Variants in NRIP3 observed in about 807,000 individuals in gnomAD.
NRIP3 encodes nuclear receptor-interacting protein 3.
Under a neutral mutation model 29.0 loss-of-function variants are expected in NRIP3, and 31 were observed. That is an observed-to-expected ratio of 1.07 (90% CI 0.80 to 1.44). The LOEUF (loss-of-function observed/expected upper bound fraction) is 1.44, where lower values mean the gene tolerates loss of function less well. NRIP3 is among the 40% of genes most tolerant of loss of function. NRIP3 has a pLI of 0.00. For missense variants in NRIP3, 314 were observed against 297.9 expected (o/e 1.05, Z -0.40); for synonymous variants, 131 against 118.3 (o/e 1.11, Z -0.70).
At chr11:8,985,894 C>T (rs1286487680) in intron 3 of NRIP3, 44 bp from the exon 4 acceptor site, 13 of 1,606,748 alleles carry the variant, frequency 8.1e-6, no homozygotes, top group African/African-American at 1.3e-5. Flanking sequence ...GACAGAGATT[C>T]CTGGTAGAAT....
At position 8,983,328 on chromosome 11, in the gene NRIP3, C is replaced by T. The variant is rs1854452243; in HGVS notation, c.*217G>A. ...AAAAAAGGTCTATAAGTTAAGTGAT[C>T]AAAGTAGTAAAAAACAATGGCCATA... On this transcript the variant is annotated 3_prime_UTR_variant, in exon 7 of 7. Transcript: ENST00000309166. 2 of 587,554 alleles carry T rather than the reference C, an allele frequency of 3.4e-6. No individual in the cohort carries two copies. Among genetic ancestry groups the T allele is most frequent in the Non-Finnish European group, 6.1e-6 (2 of 327,702 alleles). The allele number at this position is 587,554 out of a possible 1,614,324, so 36.4% of individuals were successfully genotyped here.
intron 1 of NRIP3, among the ~76,000 whole-genome samples, chr11:8,995,697 G>T (rs1049381383): frequency 6.6e-6 from 1 of 152,136 alleles, no homozygotes; most frequent in African/African-American, 2.4e-5. Flanking sequence ...TAAAACATAA[G>T]TCAGGTAATA....
Position 8,985,764 on chromosome 11 carries a change from T to A in NRIP3, c.509A>T (p.His170Leu), listed in dbSNP as rs769164483. Reference sequence around the variant, plus strand: ...GAGGGAGCCCAGTGTGATCACTAGGTGCTCAATCTGGCCCACTACTTTGAG... The same window carrying A: ...GAGGGAGCCCAGTGTGATCACTAGGAGCTCAATCTGGCCCACTACTTTGAG... ...RHLKVVGQIE[H>L]LVITLGSLRL... Residue 170 changes from histidine to leucine, a missense_variant, in exon 4 of 7, where the codon CAC becomes CTC. Transcript: ENST00000309166. 6 of 1,614,128 alleles carry A rather than the reference T, an allele frequency of 3.7e-6. No homozygotes were observed. Among genetic ancestry groups the A allele is most frequent in the Non-Finnish European group, 5.1e-6 (6 of 1,180,024 alleles).
At chr11:8,986,363 A>G (rs959934530) in intron 3 of NRIP3, among the ~76,000 whole-genome samples, 1 of 152,236 alleles carries the variant, frequency 6.6e-6, no homozygotes, top group Non-Finnish European at 1.5e-5. Flanking sequence ...ACTGATATTC[A>G]TATCAGCAAG....
chr11:9,001,118 T>A (rs1236765039), intron 1 of NRIP3, among the ~76,000 whole-genome samples: 1 of 152,116 alleles, frequency 6.6e-6, no homozygotes, highest in Non-Finnish European at 1.5e-5. Flanking sequence ...TGGTTTTAGT[T>A]CTTAATCTAA....
intron 1 of NRIP3, among the ~76,000 whole-genome samples, chr11:8,996,721 T>C (rs573205122): frequency 3.3e-5 from 5 of 152,368 alleles, no homozygotes; most frequent in Admixed American, 1.3e-4. Context: ...CATTTGTTTA[T>C]TGACATATTG....
In NRIP3 at chr11:8,988,228, G is replaced by T. The variant is rs149080270; in HGVS notation, c.229C>A (p.Arg77=). The T allele has an allele frequency of 1.6e-4, 263 of 1,614,006 alleles. 1 individual carries two copies. The highest frequency in any genetic ancestry group is 2.1e-4 in the Non-Finnish European group (248 of 1,180,004). The part of the protein sequence containing the change: ...RLMETNLSKL[R]SGPRVPWASK... Reference sequence around the variant, plus strand: ...GCCCAAGGGACACGGGGACCGCTTCGGAGCTTAGACAGGTTGGTTTCCATG... The same window carrying T: ...GCCCAAGGGACACGGGGACCGCTTCTGAGCTTAGACAGGTTGGTTTCCATG... The change falls in exon 2 of 7, where the codon CGA becomes AGA. Residue 77 remains arginine, a synonymous_variant. Transcript: ENST00000309166.
chr11:8,989,306 T>C (rs1027575764), intron 1 of NRIP3, among the ~76,000 whole-genome samples: 22 of 152,204 alleles, frequency 1.4e-4, no homozygotes, highest in African/African-American at 5.3e-4. Context: ...CCGGCTACAA[T>C]ACCATTTAAA....
chr11:8,984,684 C>G (rs1192476552), intron 4 of NRIP3, among the ~76,000 whole-genome samples: 1 of 152,140 alleles, frequency 6.6e-6, no homozygotes, highest in East Asian at 1.9e-4. Flanking sequence ...AAACCAAGAA[C>G]TTGGAGTAGT....
Position 8,982,170 on chromosome 11 carries a change from C to T in NRIP3, c.*1375G>A, listed in dbSNP as rs1350753244. The T allele has an allele frequency of 2.6e-5, 4 of 152,252 alleles. No homozygotes were observed. The highest frequency in any genetic ancestry group is 9.6e-5 in the African/African-American group (4 of 41,452). The allele number at this position is 152,252 out of a possible 1,614,324, so 9.4% of individuals were successfully genotyped here. ...TGAAGGGGAGATTCCATTATAGACA[C>T]CTGTGTGCCTAATGTGACACCCCAG... On this transcript the variant is annotated 3_prime_UTR_variant, in exon 7 of 7. Transcript: ENST00000309166.
rs186665199 is a variant in NRIP3 at position 8,982,049 on chromosome 11, C to T, written c.*1496G>A. On this transcript the variant is annotated 3_prime_UTR_variant, in exon 7 of 7. Coordinates refer to ENST00000309166, the MANE Select transcript of NRIP3 (RefSeq NM_020645.3). ...ATCCTTTAAACAAACACTCTGAGAA[C>T]TACTGCTATGACACAGGGTAGACTT... The T allele has an allele frequency of 3.9e-5, 6 of 152,308 alleles. No individual in the cohort carries two copies. Among genetic ancestry groups the T allele is most frequent in the African/African-American group, 2.4e-5 (1 of 41,560 alleles). 9.4% of individuals were successfully genotyped at this position (152,308 alleles called of 1,614,324 possible). A position where few individuals can be genotyped will look rare whatever the true frequency, so the allele number is the denominator to read the frequency against.
Position 8,982,984 on chromosome 11 carries a change from C to A in NRIP3, c.*561G>T. 2.2e-6 allele frequency: 1 copy of A among 456,656 alleles called. No individual in the cohort carries two copies. Among genetic ancestry groups the A allele is most frequent in the Non-Finnish European group, 4.4e-6 (1 of 226,984 alleles). 28.3% of individuals were successfully genotyped at this position (456,656 alleles called of 1,614,324 possible). ...CTAATATATGAACTTAGACAATTCACTTGCCTCTCTGGACCTTTAAATGAA... is the reference window on the plus strand; with the variant it reads ...CTAATATATGAACTTAGACAATTCAATTGCCTCTCTGGACCTTTAAATGAA... On this transcript the variant is annotated 3_prime_UTR_variant, in exon 7 of 7. Coordinates refer to ENST00000309166, the MANE Select transcript of NRIP3 (RefSeq NM_020645.3).
chr11:8,982,867 C>G lies in NRIP3; in HGVS notation c.*678G>C, dbSNP rs1854443862. 1.2e-5 allele frequency: 5 copies of G among 408,270 alleles called. No individual in the cohort carries two copies. The highest frequency in any genetic ancestry group is 3.0e-5 in the Admixed American group (1 of 33,536). 25.3% of individuals were successfully genotyped at this position (408,270 alleles called of 1,614,324 possible). A position where few individuals can be genotyped will look rare whatever the true frequency, so the allele number is the denominator to read the frequency against. On this transcript the variant is annotated 3_prime_UTR_variant, in exon 7 of 7. Transcript: ENST00000309166. ...TTTTTAACACATTCTCACCTCTTTG[C>G]CCTCCTGTTAAAGGCTTGAATACAA...
At chr11:8,991,169 T>C (rs1029733596) in intron 1 of NRIP3, among the ~76,000 whole-genome samples, 4 of 151,872 alleles carry the variant, frequency 2.6e-5, no homozygotes, top group East Asian at 1.9e-4. Flanking sequence ...GGTGTGGTGG[T>C]GGGCGCCTGT....
chr11:8,998,041 A>C (rs1373868077), intron 1 of NRIP3, among the ~76,000 whole-genome samples: 4 of 152,198 alleles, frequency 2.6e-5, no homozygotes, highest in Non-Finnish European at 5.9e-5. Context: ...CTTTTACCCC[A>C]AAAGGGCCTG....
At chr11:9,004,129 C>A, upstream of NRIP3, 1 of 422,966 alleles carries the variant, frequency 2.4e-6, no homozygotes, top group Non-Finnish European at 4.0e-6. Context: ...GTCCCGCGTC[C>A]CGCGTCCCGC....
rs894302272 is a variant in NRIP3 at position 9,003,648 on chromosome 11, C to CG, written c.174+113_174+114insC. ...AATCCGCGACGCAGCGACCGCGAGC[C>CG]AAGGGCAGCGGCGGGCCGGGCCGTG... On this transcript the variant is annotated intron_variant, in intron 1 of 6. Coordinates refer to ENST00000309166, the MANE Select transcript of NRIP3 (RefSeq NM_020645.3). The CG allele has an allele frequency of 5.8e-4, 639 of 1,095,164 alleles. 2 individuals are homozygous for CG. The highest frequency in any genetic ancestry group is 6.6e-4 in the Non-Finnish European group (541 of 822,754). The allele number at this position is 1,095,164 out of a possible 1,614,324, so 67.8% of individuals were successfully genotyped here.
At position 8,987,623 on chromosome 11, in the gene NRIP3, C is replaced by G; in HGVS notation, c.347G>C (p.Gly116Ala). Residue 116 changes from glycine (G) to alanine (A), a missense_variant, in exon 3 of 7, where the codon GGA becomes GCA. By Grantham distance (60) the Gly-to-Ala change is moderately conservative (BLOSUM62 0). Transcript: ENST00000309166. Reference sequence around the variant, plus strand: ...GTCAACCAAGGCTTTCACATCCTTTCCAGCACACTGTGGGGAGGAAATGTA... The same window carrying G: ...GTCAACCAAGGCTTTCACATCCTTTGCAGCACACTGTGGGGAGGAAATGTA... ...DMILVSCQCAGKDVKALVDTG... is the reference protein window; with the variant it reads ...DMILVSCQCAAKDVKALVDTG... 6.2e-7 allele frequency: 1 copy of G among 1,613,400 alleles called. No individual in the cohort carries two copies.
Position 9,003,990 on chromosome 11 carries a change from A to G in NRIP3, c.-55T>C. On this transcript the variant is annotated 5_prime_UTR_variant, in exon 1 of 7. Coordinates refer to ENST00000309166, the MANE Select transcript of NRIP3 (RefSeq NM_020645.3). ...CAGCCCCCCGGCAGCCTCAGCCTCGAGCTCCTCCAGCGCCGCAAGGGCCCC... is the reference window on the plus strand; with the variant it reads ...CAGCCCCCCGGCAGCCTCAGCCTCGGGCTCCTCCAGCGCCGCAAGGGCCCC... 2 of 1,410,176 alleles carry G rather than the reference A, an allele frequency of 1.4e-6. No homozygotes were observed. The highest frequency in any genetic ancestry group is 1.9e-6 in the Non-Finnish European group (2 of 1,075,822). The allele number at this position is 1,410,176 out of a possible 1,614,324, so 87.4% of individuals were successfully genotyped here. A position where few individuals can be genotyped will look rare whatever the true frequency, so the allele number is the denominator to read the frequency against.
Sources: gnomAD v4.1 joint callset for allele counts (sites outside exome capture counted in the v4.1 genomes callset) on GRCh38, gnomAD v4.1.1 for gene constraint, MANE v1.5 for transcripts, NCBI Gene and HGNC (gene_info 2026-07-23, HGNC 2026-07-21) for gene names.